DHX8: variants seen among roughly 807,000 people sequenced by gnomAD.
The protein encoded by DHX8 is DEAH-box helicase 8.
Under a neutral mutation model 140.7 loss-of-function variants are expected in DHX8, and 67 were observed. The observed-to-expected ratio is 0.48, with a 90% CI of 0.39 to 0.58. The LOEUF (loss-of-function observed/expected upper bound fraction) is 0.58, where lower values mean the gene tolerates loss of function less well. Among genes scored for constraint, DHX8 ranks in the 20% least tolerant of loss-of-function variants. DHX8 has a pLI of 0.00. For synonymous variants in DHX8, 533 were observed against 553.2 expected (o/e 0.96, Z 0.51); for missense variants, 887 against 1,550.7 (o/e 0.57, Z 7.19).
At chr17:43,525,797 C>G, downstream of DHX8, 1 of 985,584 alleles carries the variant, frequency 1.0e-6, no homozygotes, top group Non-Finnish European at 1.2e-6. Flanking sequence ...CCTAAATTTT[C>G]CCCATTCAGA....
downstream of DHX8, chr17:43,528,008 TTTC>T (rs1274298940): frequency 4.3e-6 from 1 of 234,272 alleles, no homozygotes; most frequent in African/African-American, 2.2e-5. Context: ...CCCAGGTTCC[TTTC>T]TTCAACCTCC....
At chr17:43,499,704 T>TAGC (rs1969074786) in intron 10 of DHX8, among the ~76,000 whole-genome samples, 1 of 152,212 alleles carries the variant, frequency 6.6e-6, no homozygotes, top group Non-Finnish European at 1.5e-5. Flanking sequence ...CGTTTAAAGG[T>TAGC]AGCACATCAT....
At chr17:43,502,808 T>A (rs941202345) in intron 11 of DHX8, among the ~76,000 whole-genome samples, 1 of 152,172 alleles carries the variant, frequency 6.6e-6, no homozygotes, top group Non-Finnish European at 1.5e-5. Flanking sequence ...GTTGGACATA[T>A]TCGTTCATTG....
At chr17:43,534,044 G>C in intron 2 of DHX8, 1 of 1,436,352 alleles carries the variant, frequency 7.0e-7, no homozygotes, top group Non-Finnish European at 9.1e-7. Context: ...GGCAGGCAGG[G>C]CTTCTGATAC....
At chr17:43,488,075 C>T (rs576669968) in intron 1 of DHX8, among the ~76,000 whole-genome samples, 1 of 152,170 alleles carries the variant, frequency 6.6e-6, no homozygotes, top group African/African-American at 2.4e-5. Flanking sequence ...GTCGTGGGTT[C>T]GAGACCAGCC....
At chr17:43,516,791 A>C (rs1970136421) in intron 17 of DHX8, among the ~76,000 whole-genome samples, 1 of 152,180 alleles carries the variant, frequency 6.6e-6, no homozygotes, top group South Asian at 2.1e-4. Context: ...CATCATTGGG[A>C]TGATTGACGT....
In DHX8 at chr17:43,513,424, G is replaced by A. The variant is rs756876742; in HGVS notation, c.2565G>A (p.Val855=). 4 of 1,614,010 alleles carry A rather than the reference G, an allele frequency of 2.5e-6. No homozygotes were observed. The highest frequency in any genetic ancestry group is 1.1e-5 in the South Asian group (1 of 91,052). Reference sequence around the variant, plus strand: ...CTATTGATGGTATCTACTATGTGGTGGACCCAGGATTCGTGAAACAGAAAG... The same window carrying A: ...CTATTGATGGTATCTACTATGTGGTAGACCCAGGATTCGTGAAACAGAAAG... ...SLTIDGIYYV[V]DPGFVKQKVY... Residue 855 remains valine (V), a synonymous_variant, in exon 17 of 23, where the codon GTG becomes GTA. Transcript: ENST00000262415.
downstream of DHX8, chr17:43,529,289 TG>T (rs1970761931): frequency 3.8e-6 from 6 of 1,570,944 alleles, no homozygotes; most frequent in South Asian, 4.4e-5. Flanking sequence ...GAGGAAAAAA[TG>T]GGGGTAAGGT....
intron 3 of DHX8, among the ~76,000 whole-genome samples, chr17:43,543,095 C>A (rs1004394578): frequency 2.6e-5 from 4 of 151,964 alleles, no homozygotes; most frequent in Non-Finnish European, 5.9e-5. Context: ...CAGCATCCCC[C>A]CCTCAGACCT....
At chr17:43,508,591 T>A in intron 16 of DHX8, 71 bp downstream of exon 16, 1 of 1,083,482 alleles carries the variant, frequency 9.2e-7, no homozygotes, top group Non-Finnish European at 1.4e-6. Context: ...TCAGCCATAG[T>A]AGGGATTGCT....
At chr17:43,526,816 C>T (rs1017008198), downstream of DHX8, 51 of 743,622 alleles carry the variant, frequency 6.9e-5, no homozygotes, top group Non-Finnish European at 2.1e-5. Flanking sequence ...TTGTTTCTTG[C>T]ACTAAATTAT....
At chr17:43,539,947 C>T (rs1407328128) in intron 3 of DHX8, among the ~76,000 whole-genome samples, 1 of 152,178 alleles carries the variant, frequency 6.6e-6, no homozygotes, top group Non-Finnish European at 1.5e-5. Context: ...TTAACAATCA[C>T]AAGCCACCAG....
chr17:43,537,913 G>C (rs1340295441), intron 3 of DHX8, among the ~76,000 whole-genome samples: 1 of 152,214 alleles, frequency 6.6e-6, no homozygotes, highest in Admixed American at 6.5e-5. Context: ...CAGATCACCA[G>C]GTCAGGAGAT....
rs1969583760 is a variant in DHX8 at position 43,507,904 on chromosome 17, C to T, written c.2205C>T (p.Phe735=). The T allele has an allele frequency of 1.2e-6, 2 of 1,614,218 alleles. No individual in the cohort carries two copies. Among genetic ancestry groups the T allele is most frequent in the East Asian group, 2.2e-5 (1 of 44,886 alleles). Residue 735 remains phenylalanine (F), a synonymous_variant, in exon 15 of 23, where the codon TTC becomes TTT. Coordinates refer to ENST00000262415, the MANE Select transcript of DHX8 (RefSeq NM_004941.3). ...FSQYFYEAPI[F]TIPGRTYPVE... The stretch of plus-strand genomic sequence containing the variant: ...AATACTTCTATGAAGCTCCCATTTT[C>T]ACCATCCCAGGTCGAACATATCCAG...
chr17:43,520,031 A>G (rs113157624), intron 18 of DHX8, 99 bp from the exon 19 acceptor site: 10 of 1,433,836 alleles, frequency 7.0e-6, no homozygotes, highest in East Asian at 6.9e-5. Flanking sequence ...CCTAATTGCA[A>G]TTGAAGAAAT....
In DHX8 at chr17:43,525,213, A is replaced by C; in HGVS notation, c.*1366A>C. 1.0e-6 allele frequency: 1 copy of C among 985,478 alleles called. No individual in the cohort carries two copies. The highest frequency in any genetic ancestry group is 4.7e-5 in the South Asian group (1 of 21,284). The allele number at this position is 985,478 out of a possible 1,614,324, so 61.0% of individuals were successfully genotyped here. ...GAGAAGCTTCTGAGAGATTGGGCAC[A>C]TCCTGTTACGTTGCTGCTTCTCCTG... On this transcript the variant is annotated 3_prime_UTR_variant, in exon 23 of 23. Coordinates refer to ENST00000262415, the MANE Select transcript of DHX8 (RefSeq NM_004941.3).
intron 1 of DHX8, among the ~76,000 whole-genome samples, chr17:43,488,359 C>A (rs1968301071): frequency 6.6e-6 from 1 of 151,844 alleles, no homozygotes; most frequent in Non-Finnish European, 1.5e-5. Context: ...TGCCTGTAAT[C>A]CCAGCACTTT....
chr17:43,520,727 T>A (rs1276578459), intron 19 of DHX8, 24 bp from the exon 20 acceptor site: 1 of 1,613,644 alleles, frequency 6.2e-7, no homozygotes. Context: ...GGGAAGCAGT[T>A]GTAGTCTTTT....
chr17:43,521,647 A>G (rs1567699085), intron 21 of DHX8, 82 bp downstream of exon 21: 7 of 1,367,350 alleles, frequency 5.1e-6, no homozygotes, highest in Non-Finnish European at 7.1e-6. Context: ...GTGTACCTAT[A>G]AAGCTATAGG....
Sources: allele counts gnomAD v4.1 joint callset (sites outside exome capture counted in the v4.1 genomes callset), GRCh38; gene constraint gnomAD v4.1.1; transcripts MANE v1.5; gene names NCBI Gene and HGNC (gene_info 2026-07-23, HGNC 2026-07-21).